EPHX1: variants seen among roughly 807,000 people sequenced by gnomAD.
The protein encoded by EPHX1 is epoxide hydratase.
EPHX1 carries 40 observed loss-of-function variants against 43.2 expected under a neutral mutation model. The observed-to-expected ratio is 0.93, with a 90% confidence interval of 0.72 to 1.21. EPHX1 has a LOEUF of 1.21. Ranked by LOEUF, EPHX1 falls within the 50% of genes most tolerant of loss-of-function variation. EPHX1 has a pLI of 0.00. For missense variants in EPHX1, 550 were observed against 570.4 expected (o/e 0.96, Z 0.36); for synonymous variants, 221 against 226.7 (o/e 0.98, Z 0.22).
intron 4 of EPHX1, 59 bp from the exon 5 acceptor site, chr1:225,839,158 G>A: frequency 3.0e-5 from 48 of 1,612,298 alleles, no homozygotes; most frequent in Non-Finnish European, 4.0e-5. Context: ...ACACCAGAGG[G>A]CCCAAGGAGC....
In EPHX1 at chr1:225,812,448, C is replaced by T. The variant is rs115602270; in HGVS notation, c.-6+2279C>T. ...AATGAGGGCTCTGTGGGCAGAGGGA[C>T]CTTTGCAGAAAGGGCATCTTGACCA... is the stretch of plus-strand genomic sequence containing the variant. On this transcript the variant is annotated intron_variant, in intron 1 of 8. Transcript: ENST00000272167. Among the ~76,000 whole-genome samples the T allele has an allele frequency of 2.3e-3, 344 of 152,244 alleles. 1 individual carries two copies. Among genetic ancestry groups the T allele is most frequent in the African/African-American group, 8.1e-3 (336 of 41,534 alleles).
intron 1 of EPHX1, among the ~76,000 whole-genome samples, chr1:225,824,557 C>A (rs36231781): frequency 0.041 from 6,189 of 152,324 alleles, 269 homozygotes; most frequent in African/African-American, 0.11. Context: ...AAGCGCCCAG[C>A]AGGCTGCCAT....
rs564225501 is a variant in EPHX1, at chr1:225,844,393, G to T, written c.1041-105G>T. 60 of 1,577,670 alleles carry T rather than the reference G, an allele frequency of 3.8e-5. No homozygotes were observed. The East Asian group carries it at 1.2e-3, about 31-fold the overall frequency. ...ACACGTTGCATGAGGTCTGAGGAGGGAAGCCGCATGGGCAGGGCCTGGCAT... is the reference window on the plus strand; with the variant it reads ...ACACGTTGCATGAGGTCTGAGGAGGTAAGCCGCATGGGCAGGGCCTGGCAT... On this transcript the variant is annotated intron_variant, in intron 7 of 8. Coordinates refer to ENST00000272167, the MANE Select transcript of EPHX1 (RefSeq NM_001136018.4).
At chr1:225,834,324 G>A (rs1667838459) in intron 3 of EPHX1, among the ~76,000 whole-genome samples, 1 of 151,882 alleles carries the variant, frequency 6.6e-6, no homozygotes, top group Admixed American at 6.6e-5. Flanking sequence ...AGAATTGCTT[G>A]AACCAGGGAG....
At chr1:225,823,757 C>T (rs1667091914) in intron 1 of EPHX1, among the ~76,000 whole-genome samples, 1 of 152,164 alleles carries the variant, frequency 6.6e-6, no homozygotes, top group Admixed American at 6.5e-5. Context: ...CCTTGGGTTC[C>T]TGCGTGAGCA....
intron 3 of EPHX1, among the ~76,000 whole-genome samples, chr1:225,832,921 A>G (rs968237160): frequency 6.6e-6 from 1 of 152,178 alleles, no homozygotes; most frequent in Non-Finnish European, 1.5e-5. Context: ...GGAGTTCTCT[A>G]TATATTCTGA....
At chr1:225,835,832 G>A (rs1404921852) in intron 3 of EPHX1, among the ~76,000 whole-genome samples, 1 of 151,686 alleles carries the variant, frequency 6.6e-6, no homozygotes, top group African/African-American at 2.4e-5. Context: ...ATAGGTGTGA[G>A]CCACCACACC....
chr1:225,832,036 A>ACATTGTG, intron 3 of EPHX1, 77 bp downstream of exon 3: 1 of 1,512,608 alleles, frequency 6.6e-7, no homozygotes, highest in Non-Finnish European at 9.1e-7. Context: ...ACTTACAGTC[A>ACATTGTG]GATAAAGTTG....
At chr1:225,844,443 T>C (rs1186112959) in intron 7 of EPHX1, 55 bp from the exon 8 acceptor site, 1 of 1,613,430 alleles carries the variant, frequency 6.2e-7, no homozygotes, top group Non-Finnish European at 8.5e-7. Flanking sequence ...GGCTGCCCTT[T>C]GTCACACAAC....
chr1:225,816,970 C>G (rs1353461754), intron 1 of EPHX1, among the ~76,000 whole-genome samples: 2 of 152,256 alleles, frequency 1.3e-5, no homozygotes, highest in Non-Finnish European at 2.9e-5. Flanking sequence ...ACTCCTGCCC[C>G]CAAGAAGGCT....
chr1:225,833,825 CCG>C (rs1667770967), intron 3 of EPHX1, among the ~76,000 whole-genome samples: 1 of 147,784 alleles, frequency 6.8e-6, no homozygotes, highest in Non-Finnish European at 1.5e-5. Flanking sequence ...AGGCTGGGCG[CCG>C]TGGCTCACGC....
rs527580828 is a variant in EPHX1 at position 225,829,005 on chromosome 1, G to C, written c.183+93G>C. 4 of 1,412,382 alleles carry C rather than the reference G, an allele frequency of 2.8e-6. No individual in the cohort carries two copies. The South Asian group carries it at 5.0e-5, about 18-fold the overall frequency. 87.5% of individuals were successfully genotyped at this position (1,412,382 alleles called of 1,614,324 possible). On this transcript the variant is annotated intron_variant, in intron 2 of 8. Transcript: ENST00000272167. ...TCTTAGGCCAGATGCGGGAGGGGACGGGGGCTTGGGAATGGTCCATCCTAC... is the reference window on the plus strand; with the variant it reads ...TCTTAGGCCAGATGCGGGAGGGGACCGGGGCTTGGGAATGGTCCATCCTAC...
At chr1:225,822,883 C>T (rs1667037606) in intron 1 of EPHX1, among the ~76,000 whole-genome samples, 2 of 152,186 alleles carry the variant, frequency 1.3e-5, no homozygotes, top group African/African-American at 2.4e-5. Context: ...TGACGCCATG[C>T]ACTCCCTCAC....
chr1:225,832,293 A>C, intron 3 of EPHX1: 1 of 359,022 alleles, frequency 2.8e-6, no homozygotes, highest in Non-Finnish European at 5.4e-6. Context: ...TAATCCCAGC[A>C]CTTTGGGAGG....
chr1:225,844,282 TG>T (rs1372739883), intron 7 of EPHX1, among the ~76,000 whole-genome samples: 1 of 149,994 alleles, frequency 6.7e-6, no homozygotes, highest in Non-Finnish European at 1.5e-5. Flanking sequence ...GGGAGGACCT[TG>T]GGGTGATAAG....
intron 3 of EPHX1, among the ~76,000 whole-genome samples, chr1:225,833,322 A>G (rs1432734341): frequency 6.6e-6 from 1 of 152,256 alleles, no homozygotes; most frequent in East Asian, 1.9e-4. Context: ...GATAAACTAA[A>G]GTTCCTAAAA....
chr1:225,833,897 A>G (rs1049075944), intron 3 of EPHX1, among the ~76,000 whole-genome samples: 1 of 150,758 alleles, frequency 6.6e-6, no homozygotes, highest in Non-Finnish European at 1.5e-5. Flanking sequence ...GGAGATCGAG[A>G]CCATCCTGGT....
chr1:225,838,473 G>A (rs1264006351), intron 3 of EPHX1, among the ~76,000 whole-genome samples, 181 bp from the exon 4 acceptor site: 1 of 152,074 alleles, frequency 6.6e-6, no homozygotes, highest in African/African-American at 2.4e-5. Context: ...GGACATCTGT[G>A]CACCTGGAGC....
At chr1:225,831,557 A>AAAG (rs1340041178) in intron 2 of EPHX1, among the ~76,000 whole-genome samples, 2 of 52,536 alleles carry the variant, frequency 3.8e-5, no homozygotes, top group Non-Finnish European at 4.3e-5. Flanking sequence ...AAAAAAAAAA[A>AAAG]AAGAAAAAAG....
Sources: gnomAD v4.1 joint callset for allele counts (sites outside exome capture counted in the v4.1 genomes callset) on GRCh38, gnomAD v4.1.1 for gene constraint, MANE v1.5 for transcripts, NCBI Gene and HGNC (gene_info 2026-07-23, HGNC 2026-07-21) for gene names.